Variants in MAP3K20 observed in about 807,000 individuals in gnomAD.
MAP3K20 encodes HCCS-4.
A neutral mutation model predicts 85.7 loss-of-function variants in MAP3K20; 40 were observed. The ratio of observed to expected loss-of-function variants is 0.47; its 90% CI spans 0.36 to 0.61. The LOEUF (loss-of-function observed/expected upper bound fraction) is 0.61, where lower values mean the gene tolerates loss of function less well. MAP3K20 is among the 20% of genes least tolerant of loss of function. The pLI is 0.00. For missense variants in MAP3K20, 817 were observed against 961.7 expected, an observed-to-expected ratio of 0.85 and a Z score of 1.99; for synonymous variants, 325 against 327.7, an observed-to-expected ratio of 0.99 and a Z score of 0.09.
chr2:173,090,629 G>C (rs2106147038), intron 1 of MAP3K20: 1 of 994,430 alleles, frequency 1.0e-6, no homozygotes, highest in African/African-American at 1.7e-5. Flanking sequence ...ATGCAAGCTT[G>C]CTGTGGAAAG....
Position 173,119,668 on chromosome 2 carries a change from A to C in MAP3K20, c.159+28478A>C, listed in dbSNP as rs140716283. On this transcript the variant is annotated intron_variant, in intron 2 of 19. Coordinates refer to ENST00000375213, the MANE Select transcript of MAP3K20 (RefSeq NM_016653.3). ...ACTGGCACAGTTCATCTCTTTGGCT[A>C]CTCAGCTTCTACATACACCATCTAC... is the stretch of plus-strand genomic sequence containing the variant. Among the ~76,000 whole-genome samples, 201 of 152,304 alleles carry C rather than the reference A, an allele frequency of 1.3e-3. 2 individuals are homozygous for C. The highest frequency in any genetic ancestry group is 0.012 in the Admixed American group (183 of 15,298).
At chr2:173,184,526 G>A (rs1019717900) in intron 4 of MAP3K20, among the ~76,000 whole-genome samples, 2 of 152,142 alleles carry the variant, frequency 1.3e-5, no homozygotes, top group African/African-American at 4.8e-5. Flanking sequence ...AAGTCTCTTG[G>A]CTCCACATCA....
intron 2 of MAP3K20, among the ~76,000 whole-genome samples, chr2:173,162,110 TTAGAAA>T (rs3835828): frequency 0.17 from 26,005 of 151,906 alleles, 2,539 homozygotes; most frequent in South Asian, 0.33. Flanking sequence ...TTTCTGCCAC[TTAGAAA>T]TAGATGACCA....
At chr2:173,097,918 G>A (rs550147621) in intron 2 of MAP3K20, among the ~76,000 whole-genome samples, 2 of 152,238 alleles carry the variant, frequency 1.3e-5, no homozygotes, top group South Asian at 4.1e-4. Context: ...TTTATGGAAG[G>A]CTAGTTAAAT....
intron 2 of MAP3K20, among the ~76,000 whole-genome samples, chr2:173,118,171 A>G (rs1688177472): frequency 6.6e-6 from 1 of 152,226 alleles, no homozygotes; most frequent in Non-Finnish European, 1.5e-5. Flanking sequence ...TTCTCTTTGT[A>G]ATTCCATTTT....
intron 2 of MAP3K20, among the ~76,000 whole-genome samples, chr2:173,143,172 A>C (rs1015772094): frequency 1.3e-5 from 2 of 152,222 alleles, no homozygotes; most frequent in Non-Finnish European, 2.9e-5. Context: ...AGAAAGCATA[A>C]TAAAGGTGTA....
intron 2 of MAP3K20, chr2:173,159,862 G>T (rs576132357): frequency 6.6e-5 from 10 of 152,148 alleles, no homozygotes; most frequent in Non-Finnish European, 1.5e-4. Context: ...CCTTAGTTGG[G>T]TATGTACTTA....
intron 2 of MAP3K20, among the ~76,000 whole-genome samples, chr2:173,138,215 C>T (rs571724608): frequency 1.4e-4 from 21 of 152,088 alleles, no homozygotes; most frequent in Non-Finnish European, 2.5e-4. Context: ...GTGTTTCGCC[C>T]GCCTCGGCCT....
chr2:173,207,354 T>G (rs1479449749), intron 9 of MAP3K20, among the ~76,000 whole-genome samples: 3 of 152,262 alleles, frequency 2.0e-5, no homozygotes, highest in Middle Eastern at 3.4e-3. Context: ...TAGCTGGGCG[T>G]GGTGGCGCGT....
At chr2:173,260,727 T>G (rs1271965591) in intron 17 of MAP3K20, among the ~76,000 whole-genome samples, 1 of 152,240 alleles carries the variant, frequency 6.6e-6, no homozygotes, top group Non-Finnish European at 1.5e-5. Flanking sequence ...TTTCTCTTAA[T>G]TGTTGGGAAG....
At chr2:173,101,604 A>G (rs766536944) in intron 2 of MAP3K20, among the ~76,000 whole-genome samples, 2 of 152,238 alleles carry the variant, frequency 1.3e-5, no homozygotes, top group African/African-American at 4.8e-5. Context: ...AAAATAGTAT[A>G]CAGCATGAAT....
rs528312829 is a variant in MAP3K20 at position 173,243,476 on chromosome 2, TAGAA to T, written c.1359+3984_1359+3987del. Among the ~76,000 whole-genome samples the T allele has an allele frequency of 5.3e-5, 8 of 152,238 alleles. No homozygotes were observed. In the South Asian group the frequency reaches 1.7e-3, roughly 32 times the overall value. On this transcript the variant is annotated intron_variant, in intron 16 of 19. Coordinates refer to ENST00000375213, the MANE Select transcript of MAP3K20 (RefSeq NM_016653.3). ...CGACTCAACTCAAGCATCCTCCCTCTAGAAAGACTTACCTTGGAACAGGGGGATG... is the reference window on the plus strand; with the variant it reads ...CGACTCAACTCAAGCATCCTCCCTCTAGACTTACCTTGGAACAGGGGGATG...
intron 7 of MAP3K20, among the ~76,000 whole-genome samples, chr2:173,197,265 G>A (rs1455447473): frequency 1.3e-5 from 2 of 152,114 alleles, no homozygotes; most frequent in African/African-American, 4.8e-5. Context: ...AGTATTCCTA[G>A]CATCAATTTG....
At chr2:173,196,644 G>A (rs376762976) in intron 7 of MAP3K20, among the ~76,000 whole-genome samples, 2 of 152,266 alleles carry the variant, frequency 1.3e-5, no homozygotes, top group South Asian at 4.1e-4. Context: ...CTGAGCACTG[G>A]CTGAGGAAAT....
intron 2 of MAP3K20, among the ~76,000 whole-genome samples, chr2:173,154,585 TGTG>T (rs1689407355): frequency 6.6e-6 from 1 of 152,246 alleles, no homozygotes; most frequent in Non-Finnish European, 1.5e-5. Flanking sequence ...ATGGTTGTTA[TGTG>T]GCATCTTGTT....
chr2:173,075,704 CG>C, upstream of MAP3K20: 1 of 937,696 alleles, frequency 1.1e-6, no homozygotes, highest in Non-Finnish European at 1.2e-6. Context: ...TGCCGGGGCG[CG>C]GGGCGGATGG....
chr2:173,156,563 A>G (rs1022869831), intron 2 of MAP3K20, among the ~76,000 whole-genome samples: 9 of 152,172 alleles, frequency 5.9e-5, no homozygotes, highest in African/African-American at 2.2e-4. Context: ...TCAGATCATC[A>G]GGCATTAGAT....
At chr2:173,199,722 A>G (rs2106286569) in intron 8 of MAP3K20, among the ~76,000 whole-genome samples, 1 of 151,726 alleles carries the variant, frequency 6.6e-6, no homozygotes, top group Non-Finnish European at 1.5e-5. Context: ...GACCCTCCAA[A>G]TATGTATAAG....
intron 8 of MAP3K20, among the ~76,000 whole-genome samples, chr2:173,203,058 T>C (rs1683534574): frequency 6.6e-6 from 1 of 152,188 alleles, no homozygotes; most frequent in African/African-American, 2.4e-5. Flanking sequence ...TTCCTGGTTA[T>C]GCAGGATAGT....
Sources: gnomAD v4.1 joint callset for allele counts (sites outside exome capture counted in the v4.1 genomes callset) on GRCh38, gnomAD v4.1.1 for gene constraint, MANE v1.5 for transcripts, NCBI Gene and HGNC (gene_info 2026-07-23, HGNC 2026-07-21) for gene names.